The following FOXP2 variants were observed in gnomAD, a reference collection of about 807,000 sequenced individuals.
FOXP2 encodes the protein forkhead box P2.
A neutral mutation model predicts 115.8 loss-of-function variants in FOXP2; 12 were observed. That is an observed-to-expected ratio of 0.10 (90% confidence interval 0.07 to 0.17). FOXP2 has a LOEUF of 0.17. Among genes scored for constraint, FOXP2 ranks in the 10% least tolerant of loss-of-function variants. The pLI is 1.00. For synonymous variants in FOXP2, 328 were observed against 297.7 expected, an observed-to-expected ratio of 1.10 and a Z score of -1.05; for missense variants, 629 against 843.5, an observed-to-expected ratio of 0.75 and a Z score of 3.15.
intron 1 of FOXP2, among the ~76,000 whole-genome samples, chr7:114,170,349 C>T (rs1793105136): frequency 6.6e-6 from 1 of 152,198 alleles, no homozygotes; most frequent in Non-Finnish European, 1.5e-5. Flanking sequence ...CCCTAAAAAA[C>T]AACGATGTTG....
intron 1 of FOXP2, among the ~76,000 whole-genome samples, chr7:114,204,860 C>G (rs1381874737): frequency 1.3e-5 from 2 of 151,250 alleles, no homozygotes; most frequent in African/African-American, 4.9e-5. Context: ...CCTAAATAAT[C>G]CTCGAAGTAT....
intron 3 of FOXP2, among the ~76,000 whole-genome samples, chr7:114,574,087 C>T (rs1242936990): frequency 6.6e-6 from 1 of 151,694 alleles, no homozygotes; most frequent in Non-Finnish European, 1.5e-5. Context: ...TTAATGTACT[C>T]ACTAATAAAT....
chr7:114,428,456 A>C (rs1793967500), intron 2 of FOXP2, among the ~76,000 whole-genome samples: 1 of 151,568 alleles, frequency 6.6e-6, no homozygotes, highest in South Asian at 2.1e-4. Context: ...CACAAAAGTT[A>C]TGCCCTTCAG....
rs114327314 is a variant in FOXP2 at position 114,384,176 on chromosome 7, G to A, written c.-10-42326G>A. Among the ~76,000 whole-genome samples, 1,162 of 152,214 alleles carry A rather than the reference G, an allele frequency of 7.6e-3. 14 individuals carry two copies. Among genetic ancestry groups the A allele is most frequent in the African/African-American group, 0.026 (1,094 of 41,514 alleles). On this transcript the variant is annotated intron_variant, in intron 2 of 17. Coordinates refer to the FOXP2 transcript ENST00000634411. Reference sequence around the variant, plus strand: ...TGCCTTTCTTGACCACAAAGAAAGCGGTCCGGGCTGCTGGATTCTAGTGGT... The same window carrying A: ...TGCCTTTCTTGACCACAAAGAAAGCAGTCCGGGCTGCTGGATTCTAGTGGT...
chr7:114,540,628 A>G (rs2129281021), intron 3 of FOXP2, among the ~76,000 whole-genome samples: 1 of 152,194 alleles, frequency 6.6e-6, no homozygotes, highest in Non-Finnish European at 1.5e-5. Context: ...AACAATAAGC[A>G]TTTAAAAAAG....
Position 114,692,148 on chromosome 7 carries a change from A to G in FOXP2, c.*2222A>G, listed in dbSNP as rs950507095. ...GGATCCTACTGTAAGGATTATCTGA[A>G]AGGAAAAATGGGTCTTTCAGGTGCA... On this transcript the variant is annotated 3_prime_UTR_variant, in exon 17 of 17. Coordinates refer to ENST00000350908, the MANE Select transcript of FOXP2 (RefSeq NM_014491.4). The G allele has an allele frequency of 4.4e-6, 2 of 453,774 alleles. No homozygotes were observed. The highest frequency in any genetic ancestry group is 8.8e-6 in the Non-Finnish European group (2 of 226,722). The allele number at this position is 453,774 out of a possible 1,614,324, so 28.1% of individuals were successfully genotyped here.
At chr7:114,140,047 A>C (rs1042985357) in intron 1 of FOXP2, among the ~76,000 whole-genome samples, 120 of 152,106 alleles carry the variant, frequency 7.9e-4, no homozygotes, top group Non-Finnish European at 2.8e-4. Flanking sequence ...CAAGAGGTGG[A>C]GGTTGCAGTG....
chr7:114,251,655 G>C (rs938198376), intron 1 of FOXP2, among the ~76,000 whole-genome samples: 7 of 152,166 alleles, frequency 4.6e-5, no homozygotes, highest in Non-Finnish European at 7.4e-5. Flanking sequence ...CTGAGACTTT[G>C]CTGAAGTTGC....
chr7:114,548,025 G>A (rs1370758440), intron 3 of FOXP2, among the ~76,000 whole-genome samples: 1 of 152,156 alleles, frequency 6.6e-6, no homozygotes, highest in East Asian at 1.9e-4. Context: ...GAGCTGACTG[G>A]TACAACTGCT....
At chr7:114,312,054 A>G (rs1436536996) in intron 2 of FOXP2, among the ~76,000 whole-genome samples, 1 of 152,092 alleles carries the variant, frequency 6.6e-6, no homozygotes, top group Non-Finnish European at 1.5e-5. Flanking sequence ...AGTCTTTATT[A>G]TTATTATTTG....
intron 2 of FOXP2, among the ~76,000 whole-genome samples, chr7:114,454,066 T>A (rs1247656953): frequency 1.3e-5 from 2 of 150,920 alleles, no homozygotes; most frequent in Admixed American, 1.3e-4. Flanking sequence ...GAAACTACCA[T>A]CAGAGTGAAC....
rs1192247228 is a variant in FOXP2, at chr7:114,263,489, C to T, written c.-101-24530C>T. Among the ~76,000 whole-genome samples, 2 of 148,902 alleles carry T rather than the reference C, an allele frequency of 1.3e-5. 1 individual carries two copies. On this transcript the variant is annotated intron_variant, in intron 1 of 17. Coordinates refer to the FOXP2 transcript ENST00000634411. ...TGTTTATTGAGACCGGGTGTTGCTG[C>T]GTTTCCCAGACTGGTGTTTAGTGCT...
At chr7:114,224,049 A>G (rs1222387864) in intron 1 of FOXP2, among the ~76,000 whole-genome samples, 2 of 152,006 alleles carry the variant, frequency 1.3e-5, no homozygotes, top group Admixed American at 6.6e-5. Flanking sequence ...ATTTTATTTT[A>G]TATATCTAAC....
At chr7:114,305,631 G>A (rs761638600) in intron 2 of FOXP2, among the ~76,000 whole-genome samples, 2 of 151,960 alleles carry the variant, frequency 1.3e-5, no homozygotes, top group Non-Finnish European at 2.9e-5. Context: ...GAAATTGTAC[G>A]GTAAGAAGTT....
chr7:114,118,473 A>G (rs1251412340), intron 1 of FOXP2, among the ~76,000 whole-genome samples: 1 of 138,760 alleles, frequency 7.2e-6, no homozygotes, highest in Admixed American at 7.4e-5. Flanking sequence ...TTTTTTTTTT[A>G]CCTAATCAGA....
chr7:114,491,470 G>A (rs1797050320), intron 2 of FOXP2, among the ~76,000 whole-genome samples: 2 of 151,830 alleles, frequency 1.3e-5, no homozygotes, highest in African/African-American at 4.8e-5. Context: ...TGTTCACTCT[G>A]ATGGTAGTTT....
chr7:114,527,402 G>A lies in FOXP2; in HGVS notation c.169-7215G>A, dbSNP rs73429339. ...TCTTTTGGACTTCTATTACTGTGCC[G>A]TCCTCACAATTCATTGTCTTCCTTT... On this transcript the variant is annotated intron_variant, in intron 2 of 16. Transcript: ENST00000350908. 7.1e-4 allele frequency among the ~76,000 whole-genome samples: 108 copies of A among 151,646 alleles called. 1 individual carries two copies. The highest frequency in any genetic ancestry group is 2.1e-3 in the Admixed American group (32 of 15,206).
chr7:114,257,748 C>T (rs759620331), intron 1 of FOXP2, among the ~76,000 whole-genome samples: 6 of 152,134 alleles, frequency 3.9e-5, no homozygotes, highest in East Asian at 1.9e-4. Flanking sequence ...CCACCGTGCC[C>T]GGCCATAAAG....
chr7:114,642,771 TTA>T (rs1457514300), intron 7 of FOXP2, 148 bp downstream of exon 7: 5 of 227,378 alleles, frequency 2.2e-5, no homozygotes, highest in Admixed American at 1.6e-4. Flanking sequence ...TTATCTTATT[TTA>T]TATATAATAT....
Sources: gnomAD v4.1 joint callset for allele counts (sites outside exome capture counted in the v4.1 genomes callset) on GRCh38, gnomAD v4.1.1 for gene constraint, MANE v1.5 for transcripts, NCBI Gene and HGNC (gene_info 2026-07-23, HGNC 2026-07-21) for gene names.